CDK15: variants seen among roughly 807,000 people sequenced by gnomAD.
The protein encoded by CDK15 is cyclin-dependent kinase 15.
Under a neutral mutation model 60.3 loss-of-function variants are expected in CDK15, and 62 were observed. The observed-to-expected ratio is 1.03, with a 90% CI of 0.84 to 1.27. CDK15 has a LOEUF of 1.27. Among genes scored for constraint, CDK15 ranks in the 50% most tolerant of loss-of-function variants. The probability of loss-of-function intolerance (pLI) is 0.00; values close to 1 mark genes in which losing one functional copy is unlikely to be tolerated. For missense variants in CDK15, 541 were observed against 527.8 expected (o/e 1.03, Z -0.25); for synonymous variants, 194 against 195.7 (o/e 0.99, Z 0.07).
Position 201,806,760 on chromosome 2 carries a change from G to C in CDK15, c.96G>C (p.Gln32His). 1 of 1,598,546 alleles carries C rather than the reference G, an allele frequency of 6.3e-7. No individual in the cohort carries two copies. The highest frequency in any genetic ancestry group is 8.5e-7 in the Non-Finnish European group (1 of 1,179,708). Residue 32 changes from glutamine (Q) to histidine (H), a missense_variant, in exon 1 of 14, where the codon CAG (glutamine) becomes CAC (histidine). Gln to His is a conservative substitution (Grantham distance 24). Coordinates refer to ENST00000652192, the MANE Select transcript of CDK15 (RefSeq NM_001366386.2). ...GGEAHSCRRS[Q>H]PETTEAAFKL... is the part of the protein sequence containing the mutation. ...AGGCACACAGCTGTCGGAGGAGTCA[G>C]CCTGAGACCACGGAGGCTGCGTTCA...
At chr2:201,830,232 C>T (rs116340619) in intron 6 of CDK15, among the ~76,000 whole-genome samples, 1,628 of 152,200 alleles carry the variant, frequency 0.011, 28 homozygotes, top group African/African-American at 0.036. Flanking sequence ...TGAGTCCCTG[C>T]GCCTGGCCAG....
chr2:201,841,298 A>G (rs978680394), intron 8 of CDK15, among the ~76,000 whole-genome samples: 5 of 152,248 alleles, frequency 3.3e-5, no homozygotes, highest in African/African-American at 1.2e-4. Context: ...ACAATGACAC[A>G]ATATAAAAAT....
intron 11 of CDK15, among the ~76,000 whole-genome samples, chr2:201,875,864 A>G (rs1170994280): frequency 1.3e-5 from 2 of 152,178 alleles, no homozygotes; most frequent in African/African-American, 4.8e-5. Flanking sequence ...CCTTCTCTGC[A>G]TTTTCTAAGT....
intron 10 of CDK15, among the ~76,000 whole-genome samples, chr2:201,869,341 A>G (rs79628584): frequency 0.072 from 10,900 of 150,874 alleles, 450 homozygotes; most frequent in Non-Finnish European, 0.082. Flanking sequence ...AGAACACTTG[A>G]ACACAGGGCG....
chr2:201,890,609 C>G (rs1189196806), intron 12 of CDK15, among the ~76,000 whole-genome samples, 176 bp from the exon 13 acceptor site: 1 of 152,134 alleles, frequency 6.6e-6, no homozygotes, highest in Non-Finnish European at 1.5e-5. Context: ...AAGGCACTTG[C>G]CAACTATTGG....
At chr2:201,869,295 C>T (rs949639260) in intron 10 of CDK15, among the ~76,000 whole-genome samples, 2 of 151,522 alleles carry the variant, frequency 1.3e-5, no homozygotes, top group Non-Finnish European at 2.9e-5. Flanking sequence ...AACCAAACAC[C>T]GCATGTTCTC....
At chr2:201,816,464 T>G (rs993067373) in intron 4 of CDK15, among the ~76,000 whole-genome samples, 7 of 147,396 alleles carry the variant, frequency 4.7e-5, no homozygotes, top group African/African-American at 1.5e-4. Flanking sequence ...GGTTTTTTTT[T>G]TTTTTTTTTT....
chr2:201,884,933 T>C (rs1699404545), intron 12 of CDK15, among the ~76,000 whole-genome samples: 1 of 152,192 alleles, frequency 6.6e-6, no homozygotes, highest in South Asian at 2.1e-4. Flanking sequence ...AGATCAAGTA[T>C]ACAAATAAAG....
At chr2:201,812,935 ATGT>A (rs1559113539) in intron 4 of CDK15, among the ~76,000 whole-genome samples, 2 of 152,172 alleles carry the variant, frequency 1.3e-5, no homozygotes, top group African/African-American at 4.8e-5. Context: ...TGAACATAAC[ATGT>A]TGTTAGCTAG....
At chr2:201,873,117 A>C (rs1481926827) in intron 11 of CDK15, among the ~76,000 whole-genome samples, 1 of 152,214 alleles carries the variant, frequency 6.6e-6, no homozygotes, top group African/African-American at 2.4e-5. Flanking sequence ...AAAATATGGT[A>C]GAATTTAACT....
chr2:201,829,838 C>T (rs1696671891), intron 6 of CDK15, among the ~76,000 whole-genome samples: 1 of 151,956 alleles, frequency 6.6e-6, no homozygotes. Context: ...ATGGGAGTCT[C>T]GCTCTGCTGC....
chr2:201,859,283 T>C (rs1035870046), intron 10 of CDK15, among the ~76,000 whole-genome samples: 1 of 152,172 alleles, frequency 6.6e-6, no homozygotes, highest in Non-Finnish European at 1.5e-5. Flanking sequence ...AAATTGAATG[T>C]TGGTCTTGGC....
chr2:201,854,761 T>TA, intron 9 of CDK15, 113 bp from the exon 10 acceptor site: 1 of 827,750 alleles, frequency 1.2e-6, no homozygotes. Context: ...CAATGGGACA[T>TA]ACATCTGACG....
At chr2:201,847,231 G>C (rs756442835) in intron 8 of CDK15, 150 bp from the exon 9 acceptor site, 1 of 669,704 alleles carries the variant, frequency 1.5e-6, no homozygotes, top group Non-Finnish European at 2.4e-6. Flanking sequence ...TTTGACATAG[G>C]GACTTTTTTT....
intron 6 of CDK15, among the ~76,000 whole-genome samples, chr2:201,831,383 G>A (rs1696747151): frequency 6.6e-6 from 1 of 152,166 alleles, no homozygotes; most frequent in Non-Finnish European, 1.5e-5. Flanking sequence ...CTGGGATCTG[G>A]GAAGCCTTTC....
chr2:201,841,676 C>T (rs1029432960), intron 8 of CDK15, among the ~76,000 whole-genome samples: 31 of 152,316 alleles, frequency 2.0e-4, no homozygotes, highest in African/African-American at 5.8e-4. Context: ...GTGCATTTGT[C>T]TTAAAGAAAC....
intron 12 of CDK15, chr2:201,888,513 C>T: frequency 6.5e-7 from 1 of 1,531,206 alleles, no homozygotes; most frequent in African/African-American, 1.4e-5. Flanking sequence ...AATGAGGAGT[C>T]ACCAGAGTGG....
chr2:201,874,370 G>A (rs1698994073), intron 11 of CDK15, among the ~76,000 whole-genome samples: 1 of 152,114 alleles, frequency 6.6e-6, no homozygotes, highest in African/African-American at 2.4e-5. Flanking sequence ...TCTGTGAAAG[G>A]GTTAACATTG....
intron 4 of CDK15, among the ~76,000 whole-genome samples, chr2:201,814,493 C>T (rs151280205): frequency 4.6e-5 from 7 of 152,290 alleles, no homozygotes; most frequent in African/African-American, 1.7e-4. Context: ...GTTAAAAGAG[C>T]CCTCTCCCCT....
Sources: allele counts gnomAD v4.1 joint callset (sites outside exome capture counted in the v4.1 genomes callset), GRCh38; gene constraint gnomAD v4.1.1; transcripts MANE v1.5; gene names NCBI Gene and HGNC (gene_info 2026-07-23, HGNC 2026-07-21).